Variants in CAPN3 observed in about 807,000 individuals in gnomAD.
CAPN3 encodes the protein calpain-3.
Under a neutral mutation model 114.0 loss-of-function variants are expected in CAPN3, and 88 were observed. The observed-to-expected ratio is 0.77, with a 90% CI of 0.65 to 0.92. The LOEUF is 0.92. Ranked by LOEUF, CAPN3 falls within the 40% of genes least tolerant of loss-of-function variation. CAPN3 has a pLI of 0.00. For missense variants in CAPN3, 1,028 were observed against 1,069.0 expected (o/e 0.96, Z 0.53); for synonymous variants, 386 against 382.9 (o/e 1.01, Z -0.09).
rs559468913 is a variant in CAPN3, at chr15:42,371,084, A to G, written c.309+10970A>G. On this transcript the variant is annotated intron_variant, in intron 1 of 23. Coordinates refer to ENST00000397163, the MANE Select transcript of CAPN3 (RefSeq NM_000070.3). ...GATTAAATGAGATTCTATACATAACATAATACAATGAGTCAATAAATAATG... is the reference window on the plus strand; with the variant it reads ...GATTAAATGAGATTCTATACATAACGTAATACAATGAGTCAATAAATAATG... Among the ~76,000 whole-genome samples the G allele has an allele frequency of 2.3e-4, 35 of 152,364 alleles. No homozygotes were observed. In the South Asian group the frequency reaches 4.3e-3, roughly 19 times the overall value.
intron 1 of CAPN3, among the ~76,000 whole-genome samples, chr15:42,375,376 C>T (rs557397354): frequency 2.2e-4 from 34 of 152,118 alleles, no homozygotes; most frequent in African/African-American, 8.0e-4. Flanking sequence ...AGACTCCTTA[C>T]GGGATGAAGC....
intron 1 of CAPN3, among the ~76,000 whole-genome samples, chr15:42,379,604 A>G (rs2053184200): frequency 6.6e-6 from 1 of 152,066 alleles, no homozygotes; most frequent in Non-Finnish European, 1.5e-5. Context: ...TGCCTCATGT[A>G]TTTTGACACT....
In CAPN3 at chr15:42,408,244, A is replaced by C. The variant is rs762486242; in HGVS notation, c.1834A>C (p.Asn612His). The change falls in exon 16 of 24, where the codon AAC (asparagine) becomes CAC (histidine). Residue 612 changes from asparagine (N) to histidine (H), a missense_variant. Transcript: ENST00000397163. ...IIFVSDRANSNKELGVDQESE... is the reference protein window; with the variant it reads ...IIFVSDRANSHKELGVDQESE... ...CTTCGTTTCGGACAGAGCAAACAGC[A>C]ACAAGGAGCTGGGTGTGGACCAGGA... 13 of 1,613,724 alleles carry C rather than the reference A, an allele frequency of 8.1e-6. No homozygotes were observed. The African/African-American group carries it at 1.5e-4, about 18-fold the overall frequency.
At chr15:42,389,204 G>A in intron 5 of CAPN3, 108 bp downstream of exon 5, 1 of 1,058,202 alleles carries the variant, frequency 9.4e-7, no homozygotes, top group Non-Finnish European at 1.4e-6. Context: ...CGAATGTTTT[G>A]TTTGAGGAAG....
rs929397176 is a variant in CAPN3 at position 42,412,257 on chromosome 15, C to T, written c.*484C>T. 1.7e-5 allele frequency: 24 copies of T among 1,405,024 alleles called. No individual in the cohort carries two copies. The highest frequency in any genetic ancestry group is 2.1e-5 in the Admixed American group (1 of 47,016). The allele number at this position is 1,405,024 out of a possible 1,614,324, so 87.0% of individuals were successfully genotyped here. On this transcript the variant is annotated 3_prime_UTR_variant, in exon 24 of 24. Coordinates refer to ENST00000397163, the MANE Select transcript of CAPN3 (RefSeq NM_000070.3). ...GCTGGTTACTTTGGGCTGTCCAACT[C>T]ATAAGTTTGGCTGCATTTTGAAAAA...
At chr15:42,409,883 G>GCCCCCCCCCCCCCC in intron 18 of CAPN3, 39 bp downstream of exon 18, 1 of 559,406 alleles carries the variant, frequency 1.8e-6, no homozygotes, top group Non-Finnish European at 3.5e-6. Flanking sequence ...GGTGGGTGGG[G>GCCCCCCCCCCCCCC]AGTCCCGTTG....
chr15:42,402,756 G>A (rs898340142), intron 12 of CAPN3, 38 bp from the exon 13 acceptor site: 13 of 1,604,272 alleles, frequency 8.1e-6, no homozygotes, highest in East Asian at 2.2e-5. Context: ...TGTTCCTCCC[G>A]AGGGGCTCAT....
intron 2 of CAPN3, 52 bp from the exon 3 acceptor site, chr15:42,386,115 T>C: frequency 1.5e-6 from 2 of 1,330,558 alleles, no homozygotes; most frequent in Non-Finnish European, 2.2e-6. Flanking sequence ...GGGCTTTTTC[T>C]TCCCAGGAGG....
chr15:42,382,934 C>G (rs948425405), intron 1 of CAPN3, among the ~76,000 whole-genome samples: 2 of 152,164 alleles, frequency 1.3e-5, no homozygotes, highest in Admixed American at 6.5e-5. Flanking sequence ...TTATTTAAAA[C>G]TTTACATGAT....
At chr15:42,393,302 T>G (rs1361125661) in intron 7 of CAPN3, among the ~76,000 whole-genome samples, 2 of 152,248 alleles carry the variant, frequency 1.3e-5, no homozygotes, top group African/African-American at 4.8e-5. Flanking sequence ...TGTTGTATTA[T>G]TATTTTTTCT....
chr15:42,387,566 C>T (rs957351733), intron 3 of CAPN3, among the ~76,000 whole-genome samples, 187 bp from the exon 4 acceptor site: 2 of 152,198 alleles, frequency 1.3e-5, no homozygotes, highest in African/African-American at 4.8e-5. Context: ...TCTCAAAAAG[C>T]ACCCAGTCCA....
intron 1 of CAPN3, among the ~76,000 whole-genome samples, chr15:42,376,198 G>C (rs1376869290): frequency 6.6e-6 from 1 of 152,176 alleles, no homozygotes; most frequent in Non-Finnish European, 1.5e-5. Context: ...TGCTTGTCAG[G>C]TTTCTTTACT....
chr15:42,363,633 A>T (rs2052705668), intron 1 of CAPN3, among the ~76,000 whole-genome samples: 1 of 152,194 alleles, frequency 6.6e-6, no homozygotes, highest in South Asian at 2.1e-4. Context: ...GCAAGTCCCC[A>T]TGGGGAGTCA....
chr15:42,379,988 T>A (rs770140994), intron 1 of CAPN3, among the ~76,000 whole-genome samples: 2 of 152,202 alleles, frequency 1.3e-5, no homozygotes, highest in Non-Finnish European at 2.9e-5. Flanking sequence ...TGATGGTGCA[T>A]GCTTGTAATC....
chr15:42,411,653 G>A (rs2054243065), intron 23 of CAPN3, 94 bp from the exon 24 acceptor site: 4 of 678,230 alleles, frequency 5.9e-6, no homozygotes, highest in Admixed American at 2.0e-5. Flanking sequence ...TGCTGGGACT[G>A]TTCCCTTTCC....
chr15:42,407,730 C>G (rs1056894527), intron 15 of CAPN3, among the ~76,000 whole-genome samples: 4 of 152,192 alleles, frequency 2.6e-5, no homozygotes, highest in African/African-American at 9.7e-5. Context: ...CTTTTTCAAT[C>G]TATACTTTGC....
At chr15:42,362,694 G>A (rs2141108476) in intron 1 of CAPN3, among the ~76,000 whole-genome samples, 1 of 152,342 alleles carries the variant, frequency 6.6e-6, no homozygotes, top group Non-Finnish European at 1.5e-5. Flanking sequence ...CAGTGTCCTT[G>A]CTTTATAGGT....
At chr15:42,403,955 C>A in intron 14 of CAPN3, 178 bp downstream of exon 14, 1 of 702,062 alleles carries the variant, frequency 1.4e-6, no homozygotes. Context: ...AAGTAATCGG[C>A]CTTAAGCACC....
At chr15:42,363,848 G>T (rs728510) in intron 1 of CAPN3, among the ~76,000 whole-genome samples, 1 of 149,896 alleles carries the variant, frequency 6.7e-6, no homozygotes, top group South Asian at 2.1e-4. Context: ...TAAATAACTC[G>T]CGCCAGATCT....
Sources: gnomAD v4.1 joint callset for allele counts (sites outside exome capture counted in the v4.1 genomes callset) on GRCh38, gnomAD v4.1.1 for gene constraint, MANE v1.5 for transcripts, NCBI Gene and HGNC (gene_info 2026-07-23, HGNC 2026-07-21) for gene names.